ATP11B: variants seen among roughly 807,000 people sequenced by gnomAD.
ATP11B encodes the protein ATPase phospholipid transporting 11B (putative), also known as phospholipid-transporting ATPase IF.
Under a neutral mutation model 157.8 loss-of-function variants are expected in ATP11B, and 81 were observed. The ratio of observed to expected loss-of-function variants is 0.51; its 90% confidence interval spans 0.43 to 0.62. The LOEUF is 0.62. Among genes scored for constraint, ATP11B ranks in the 20% least tolerant of loss-of-function variants. The probability of loss-of-function intolerance (pLI) is 0.00; values close to 1 mark genes in which losing one functional copy is unlikely to be tolerated. For synonymous variants in ATP11B, 451 were observed against 469.4 expected, an observed-to-expected ratio of 0.96 and a Z score of 0.51; for missense variants, 1,165 against 1,402.2, an observed-to-expected ratio of 0.83 and a Z score of 2.70.
intron 7 of ATP11B, among the ~76,000 whole-genome samples, chr3:182,841,034 C>T (rs1291904484): frequency 6.6e-6 from 1 of 152,008 alleles, no homozygotes; most frequent in African/African-American, 2.4e-5. Flanking sequence ...TGTCCTTCCA[C>T]CTCTAGCTCA....
chr3:182,899,885 C>CGTA (rs5854961), intron 28 of ATP11B, among the ~76,000 whole-genome samples: 72,739 of 151,684 alleles, frequency 0.48, 20,230 homozygotes, highest in African/African-American at 0.77. Flanking sequence ...TTAACTCTAT[C>CGTA]GTATTGGATA....
rs1231797992 is a variant in ATP11B, at chr3:182,859,368, G to T, written c.1200+9G>T. On this transcript the variant is annotated intron_variant, in intron 12 of 29. Transcript: ENST00000323116. The stretch of plus-strand genomic sequence containing the variant: ...ATGAAGAGCTTGGACAGGTGAAAAT[G>T]ATCCTAATATTTTGTTTCTCTAATT... 2 of 1,551,360 alleles carry T rather than the reference G, an allele frequency of 1.3e-6. No homozygotes were observed. The highest frequency in any genetic ancestry group is 2.3e-5 in the East Asian group (1 of 44,052).
At chr3:182,870,181 C>T (rs750090407) in intron 17 of ATP11B, among the ~76,000 whole-genome samples, 10 of 152,062 alleles carry the variant, frequency 6.6e-5, no homozygotes, top group African/African-American at 1.7e-4. Context: ...TGTGAATATG[C>T]GATATAACAC....
chr3:182,826,012 T>A (rs1717695044), intron 2 of ATP11B, among the ~76,000 whole-genome samples: 1 of 152,182 alleles, frequency 6.6e-6, no homozygotes. Context: ...TATAGAGAAG[T>A]TACACTTCTA....
At chr3:182,793,918 A>G in intron 1 of ATP11B, 132 bp downstream of exon 1, 1 of 473,484 alleles carries the variant, frequency 2.1e-6, no homozygotes, top group Non-Finnish European at 3.2e-6. Flanking sequence ...CGCAGCGGAG[A>G]CGGGCGCGGG....
chr3:182,863,016 C>G (rs371567604), intron 12 of ATP11B, among the ~76,000 whole-genome samples: 1 of 151,732 alleles, frequency 6.6e-6, no homozygotes, highest in Non-Finnish European at 1.5e-5. Context: ...CCTGGGTTCA[C>G]GCCATTCTCC....
At chr3:182,866,644 CT>C (rs1308598802) in intron 14 of ATP11B, among the ~76,000 whole-genome samples, 1 of 146,288 alleles carries the variant, frequency 6.8e-6, no homozygotes, top group Non-Finnish European at 1.5e-5. Context: ...TGCATTGAGT[CT>C]TTTTTTAAGA....
At chr3:182,841,705 G>A (rs1028017468) in intron 7 of ATP11B, among the ~76,000 whole-genome samples, 1 of 152,096 alleles carries the variant, frequency 6.6e-6, no homozygotes. Flanking sequence ...CAGGCCGGGT[G>A]CAGTGGCTCA....
At chr3:182,914,818 T>C in intron 29 of ATP11B, 1 of 985,326 alleles carries the variant, frequency 1.0e-6, no homozygotes, top group Non-Finnish European at 1.2e-6. Context: ...TTAGAGGATG[T>C]TAGGGGGTAG....
At chr3:182,904,450 A>C (rs1486409385) in intron 28 of ATP11B, among the ~76,000 whole-genome samples, 1 of 152,244 alleles carries the variant, frequency 6.6e-6, no homozygotes, top group Non-Finnish European at 1.5e-5. Flanking sequence ...TTTTGAATGC[A>C]TCAGTTTTTT....
At chr3:182,904,755 G>A (rs1357471219) in intron 28 of ATP11B, among the ~76,000 whole-genome samples, 1 of 151,950 alleles carries the variant, frequency 6.6e-6, no homozygotes, top group African/African-American at 2.4e-5. Flanking sequence ...GGGGTGTGGT[G>A]GCAGGCGCCT....
At chr3:182,898,801 T>C (rs775941915) in intron 28 of ATP11B, 29 bp downstream of exon 28, 1 of 1,393,820 alleles carries the variant, frequency 7.2e-7, no homozygotes, top group Non-Finnish European at 9.5e-7. Context: ...AAATTCAATA[T>C]CTTTTTAGTT....
intron 28 of ATP11B, among the ~76,000 whole-genome samples, chr3:182,911,280 C>T (rs548661826): frequency 4.8e-5 from 6 of 126,128 alleles, no homozygotes; most frequent in Admixed American, 8.5e-5. Flanking sequence ...TGCCCCCCCC[C>T]GCTAAGTCCT....
chr3:182,892,217 C>T (rs940758837), intron 25 of ATP11B, among the ~76,000 whole-genome samples: 8 of 152,146 alleles, frequency 5.3e-5, no homozygotes, highest in African/African-American at 1.9e-4. Flanking sequence ...CCCTCACCAC[C>T]ACCTATTCTT....
At position 182,847,830 on chromosome 3, in the gene ATP11B, C is replaced by G. The variant is rs998555591; in HGVS notation, c.770-646C>G. Among the ~76,000 whole-genome samples the G allele has an allele frequency of 1.6e-4, 25 of 152,216 alleles. 1 individual carries two copies. The highest frequency in any genetic ancestry group is 6.0e-4 in the African/African-American group (25 of 41,450). ...ACTAATAAGTGGCAGAGCTAGAATT[C>G]AAACCAAGGTCTAGCTGCAAAGTTT... is the stretch of plus-strand genomic sequence containing the variant. On this transcript the variant is annotated intron_variant, in intron 9 of 29. Transcript: ENST00000323116.
At chr3:182,841,041 C>A (rs1353359181) in intron 7 of ATP11B, among the ~76,000 whole-genome samples, 1 of 151,986 alleles carries the variant, frequency 6.6e-6, no homozygotes, top group Non-Finnish European at 1.5e-5. Context: ...CCACCTCTAG[C>A]TCATCCTGCC....
chr3:182,901,160 G>A (rs1182522388), intron 28 of ATP11B, among the ~76,000 whole-genome samples: 5 of 151,862 alleles, frequency 3.3e-5, no homozygotes, highest in Admixed American at 1.3e-4. Context: ...GCGACAGAGC[G>A]AGACTCCATC....
In ATP11B at chr3:182,822,672, A is replaced by G. The variant is rs527358488; in HGVS notation, c.144+2296A>G. 5.6e-4 allele frequency among the ~76,000 whole-genome samples: 86 copies of G among 152,324 alleles called. No individual in the cohort carries two copies. The South Asian group carries it at 0.016, about 28-fold the overall frequency. On this transcript the variant is annotated intron_variant, in intron 2 of 29. Coordinates refer to ENST00000323116, the MANE Select transcript of ATP11B (RefSeq NM_014616.3). ...TGGGTCAAATGGTATTTCTAGTTCT[A>G]GATGCTTGAGGAATCACCACACTGT...
At chr3:182,914,243 CATA>C in intron 29 of ATP11B, 4 of 1,263,644 alleles carry the variant, frequency 3.2e-6, no homozygotes, top group Non-Finnish European at 4.0e-6. Flanking sequence ...AATTTTGTTT[CATA>C]ATCTTTCTAA....
Sources: allele counts gnomAD v4.1 joint callset (sites outside exome capture counted in the v4.1 genomes callset), GRCh38; gene constraint gnomAD v4.1.1; transcripts MANE v1.5; gene names NCBI Gene and HGNC (gene_info 2026-07-23, HGNC 2026-07-21).